Variants in WWTR1 observed in about 807,000 individuals in gnomAD.
WWTR1 encodes the protein WW domain-containing transcription regulator protein 1.
Under a neutral mutation model 40.1 loss-of-function variants are expected in WWTR1, and 13 were observed. The ratio of observed to expected loss-of-function variants is 0.32; its 90% CI spans 0.21 to 0.52. WWTR1 has a LOEUF of 0.52. WWTR1 is among the 20% of genes least tolerant of loss of function. WWTR1 has a pLI of 0.97. For missense variants in WWTR1, 436 were observed against 523.1 expected, an observed-to-expected ratio of 0.83 and a Z score of 1.63; for synonymous variants, 230 against 210.1, an observed-to-expected ratio of 1.09 and a Z score of -0.82.
At chr3:149,604,521 A>C (rs979685920) in intron 2 of WWTR1, among the ~76,000 whole-genome samples, 1 of 152,226 alleles carries the variant, frequency 6.6e-6, no homozygotes, top group Non-Finnish European at 1.5e-5. Flanking sequence ...GAAGGAGGTC[A>C]AAGAAAGAGC....
At chr3:149,667,637 C>A (rs1713891219) in intron 2 of WWTR1, among the ~76,000 whole-genome samples, 1 of 152,078 alleles carries the variant, frequency 6.6e-6, no homozygotes, top group South Asian at 2.1e-4. Context: ...GTGGAAGCCC[C>A]AAGTCTCAAT....
intron 2 of WWTR1, among the ~76,000 whole-genome samples, chr3:149,613,678 G>T (rs1467667825): frequency 2.0e-5 from 3 of 152,042 alleles, no homozygotes. Context: ...CTCCCAAATA[G>T]TTGAAACTAC....
chr3:149,688,644 G>A (rs1321144471), intron 1 of WWTR1, among the ~76,000 whole-genome samples: 2 of 152,148 alleles, frequency 1.3e-5, no homozygotes, highest in African/African-American at 4.8e-5. Flanking sequence ...TTTCCTTTGA[G>A]TACTTGGAAA....
In WWTR1 at chr3:149,657,737, TGAGCGCGC is replaced by T. The variant is rs1386025509; in HGVS notation, c.-4+20_-4+27del. 3 of 160,924 alleles carry T rather than the reference TGAGCGCGC, an allele frequency of 1.9e-5. No individual in the cohort carries two copies. The highest frequency in any genetic ancestry group is 1.4e-5 in the Non-Finnish European group (1 of 74,046). 10.0% of individuals were successfully genotyped at this position (160,924 alleles called of 1,614,324 possible). A position where few individuals can be genotyped will look rare whatever the true frequency, so the allele number is the denominator to read the frequency against. The stretch of plus-strand genomic sequence containing the variant: ...CCTGGAGCCCTGGAGTGGTGCCGGA[TGAGCGCGC>T]GAGCTCCAGCGGGCACTACCTGGGC... On this transcript the variant is annotated intron_variant, in intron 1 of 6. Coordinates refer to ENST00000360632, the MANE Select transcript of WWTR1 (RefSeq NM_015472.6).
At chr3:149,557,982 G>A (rs1310714495) in intron 3 of WWTR1, among the ~76,000 whole-genome samples, 2 of 141,006 alleles carry the variant, frequency 1.4e-5, no homozygotes, top group African/African-American at 2.7e-5. Context: ...CAACCTGGGT[G>A]ACAGAGCAAG....
At chr3:149,563,128 T>C (rs1292492955) in intron 3 of WWTR1, among the ~76,000 whole-genome samples, 1 of 152,164 alleles carries the variant, frequency 6.6e-6, no homozygotes, top group Non-Finnish European at 1.5e-5. Flanking sequence ...TCAAAATTAT[T>C]TTTAAAACTC....
At position 149,517,742 on chromosome 3, in the gene WWTR1, A is replaced by G. The variant is rs975012967; in HGVS notation, c.*3063T>C. On this transcript the variant is annotated 3_prime_UTR_variant, in exon 7 of 7. Coordinates refer to ENST00000360632, the MANE Select transcript of WWTR1 (RefSeq NM_015472.6). ...TTTCACATCCTAAATAATACGGTGAAACACTGTCTAAAAATTACTTAGATT... is the reference window on the plus strand; with the variant it reads ...TTTCACATCCTAAATAATACGGTGAGACACTGTCTAAAAATTACTTAGATT... 2.0e-5 allele frequency: 3 copies of G among 152,246 alleles called. No homozygotes were observed. The highest frequency in any genetic ancestry group is 7.2e-5 in the African/African-American group (3 of 41,462). The allele number at this position is 152,246 out of a possible 1,614,324, so 9.4% of individuals were successfully genotyped here.
At chr3:149,675,780 G>A (rs1382948673) in intron 1 of WWTR1, among the ~76,000 whole-genome samples, 3 of 151,736 alleles carry the variant, frequency 2.0e-5, no homozygotes, top group South Asian at 2.1e-4. Context: ...GCAGTGGCAC[G>A]ATCTCGGCTC....
At chr3:149,616,678 G>T (rs1332472880) in intron 2 of WWTR1, among the ~76,000 whole-genome samples, 1 of 152,140 alleles carries the variant, frequency 6.6e-6, no homozygotes, top group Non-Finnish European at 1.5e-5. Context: ...CCAACCTCAG[G>T]TGATCTGCCC....
rs1560051960 is a variant in WWTR1 at position 149,542,440 on chromosome 3, G to A, written c.666C>T (p.Pro222=). Residue 222 remains proline, a synonymous_variant, in exon 4 of 7, where the codon CCC becomes CCT. Transcript: ENST00000360632. Reference sequence around the variant, plus strand: ...GCTGCTGCTGAGTGGTCAGCGCATTGGGCATACTCATGAGCCCTGCGGGTG... The same window carrying A: ...GCTGCTGCTGAGTGGTCAGCGCATTAGGCATACTCATGAGCCCTGCGGGTG... ...QNPPAGLMSM[P]NALTTQQQQQ... 3.1e-6 allele frequency: 5 copies of A among 1,614,088 alleles called. No homozygotes were observed. Among genetic ancestry groups the A allele is most frequent in the Non-Finnish European group, 4.2e-6 (5 of 1,179,990 alleles).
intron 2 of WWTR1, among the ~76,000 whole-genome samples, chr3:149,590,483 C>G (rs1372465482): frequency 3.9e-5 from 6 of 152,098 alleles, no homozygotes; most frequent in Admixed American, 3.9e-4. Context: ...AACCCCATCT[C>G]TACTAAAAAT....
At chr3:149,650,558 T>G (rs1372506801) in intron 2 of WWTR1, among the ~76,000 whole-genome samples, 1 of 152,244 alleles carries the variant, frequency 6.6e-6, no homozygotes, top group Non-Finnish European at 1.5e-5. Flanking sequence ...CTCTGGGATG[T>G]GCTGACTCTC....
chr3:149,582,578 AAT>A (rs1738203025), intron 2 of WWTR1, among the ~76,000 whole-genome samples: 1 of 151,990 alleles, frequency 6.6e-6, no homozygotes, highest in South Asian at 2.1e-4. Flanking sequence ...AAAAAATCAA[AAT>A]ATGAGTCGGG....
At chr3:149,603,764 T>C (rs1739361268) in intron 2 of WWTR1, among the ~76,000 whole-genome samples, 1 of 145,770 alleles carries the variant, frequency 6.9e-6, no homozygotes, top group Non-Finnish European at 1.5e-5. Context: ...ACGCAGAAAA[T>C]CAACTGACAT....
intron 1 of WWTR1, among the ~76,000 whole-genome samples, chr3:149,684,155 T>C (rs992577296): frequency 6.6e-6 from 1 of 151,920 alleles, no homozygotes; most frequent in East Asian, 1.9e-4. Flanking sequence ...AGATTATCAT[T>C]TTTTAACATT....
chr3:149,703,726 T>G (rs1336118331), upstream of WWTR1, among the ~76,000 whole-genome samples: 1 of 152,140 alleles, frequency 6.6e-6, no homozygotes, highest in Non-Finnish European at 1.5e-5. Flanking sequence ...GAGTTCTCAC[T>G]CTATGAGTTC....
At chr3:149,584,151 G>A (rs1467926511) in intron 2 of WWTR1, among the ~76,000 whole-genome samples, 1 of 152,096 alleles carries the variant, frequency 6.6e-6, no homozygotes, top group African/African-American at 2.4e-5. Flanking sequence ...TGGCTGCTCC[G>A]AAGCCACTCC....
intron 2 of WWTR1, among the ~76,000 whole-genome samples, chr3:149,633,358 C>T (rs1223555460): frequency 6.6e-6 from 1 of 152,208 alleles, no homozygotes; most frequent in Non-Finnish European, 1.5e-5. Context: ...CAATGCATTA[C>T]ACTCTGGGTG....
chr3:149,542,307 C>T, intron 4 of WWTR1, 28 bp downstream of exon 4: 1 of 1,604,258 alleles, frequency 6.2e-7, no homozygotes, highest in Non-Finnish European at 8.5e-7. Context: ...GCCAGGGAGC[C>T]TCCACCAGAC....
Sources: gnomAD v4.1 joint callset for allele counts (sites outside exome capture counted in the v4.1 genomes callset) on GRCh38, gnomAD v4.1.1 for gene constraint, MANE v1.5 for transcripts, NCBI Gene and HGNC (gene_info 2026-07-23, HGNC 2026-07-21) for gene names.